The following ANK2 variants were observed in gnomAD, a reference collection of about 807,000 sequenced individuals.
ANK2 encodes ankyrin 2, also known as ankyrin-2.
A neutral mutation model predicts 360.5 loss-of-function variants in ANK2; 83 were observed. The observed-to-expected ratio is 0.23, with a 90% CI of 0.19 to 0.28. The LOEUF is 0.28. ANK2 is among the 10% of genes least tolerant of loss of function. The pLI, the probability that ANK2 is intolerant of heterozygous loss-of-function variation, is 1.00. For missense variants in ANK2, 4,201 were observed against 4,795.7 expected, an observed-to-expected ratio of 0.88 and a Z score of 3.66; for synonymous variants, 1,740 against 1,759.5, an observed-to-expected ratio of 0.99 and a Z score of 0.28.
chr4:112,992,858 T>A (rs773239234), intron 2 of ANK2, among the ~76,000 whole-genome samples: 4 of 152,236 alleles, frequency 2.6e-5, no homozygotes, highest in Non-Finnish European at 4.4e-5. Context: ...ATGCGGATGC[T>A]TATTTCTTAA....
chr4:113,222,391 A>ATTTTTTTTTT (rs397880062), intron 4 of ANK2, among the ~76,000 whole-genome samples: 1 of 122,478 alleles, frequency 8.2e-6, no homozygotes. Context: ...CTCTGAAACA[A>ATTTTTTTTTT]TTTTTTTTTT....
At chr4:112,839,191 C>A (rs2061595594) in intron 1 of ANK2, among the ~76,000 whole-genome samples, 1 of 152,156 alleles carries the variant, frequency 6.6e-6, no homozygotes, top group Non-Finnish European at 1.5e-5. Context: ...TCCTATGTTT[C>A]TAGGTAATAG....
Position 113,291,476 on chromosome 4 carries a change from C to T in ANK2, c.2278-940C>T, listed in dbSNP as rs1426113547. 2.0e-5 allele frequency among the ~76,000 whole-genome samples: 3 copies of T among 152,302 alleles called. No homozygotes were observed. The South Asian group carries it at 6.2e-4, about 32-fold the overall frequency. ...CCACACTTAGAGACACTTAGGTAAC[C>T]CTGATACATGTGGGCATGTTCCTAT... is the stretch of plus-strand genomic sequence containing the variant. On this transcript the variant is annotated intron_variant, in intron 20 of 45. Coordinates refer to ENST00000357077, the MANE Select transcript of ANK2 (RefSeq NM_001148.6).
chr4:113,104,538 A>T (rs2093374122), intron 1 of ANK2, among the ~76,000 whole-genome samples: 1 of 152,130 alleles, frequency 6.6e-6, no homozygotes, highest in Non-Finnish European at 1.5e-5. Context: ...ACATAATGAA[A>T]CCCTGTCTCT....
rs766873817 is a variant in ANK2 at position 113,355,743 on chromosome 4, C to G, written c.7125C>G (p.Thr2375=). Residue 2375 remains threonine, a synonymous_variant, in exon 38 of 46, where the codon ACC becomes ACG. Coordinates refer to ENST00000357077, the MANE Select transcript of ANK2 (RefSeq NM_001148.6). Reference sequence around the variant, plus strand: ...GTGAGGTTCAAGAATCCACAGCCACCTCAGACGAGACAAAGGCCTTGCCGC... The same window carrying G: ...GTGAGGTTCAAGAATCCACAGCCACGTCAGACGAGACAAAGGCCTTGCCGC... ...TDSEVQESTA[T]SDETKALPLP... The G allele has an allele frequency of 1.9e-6, 3 of 1,614,130 alleles. No individual in the cohort carries two copies. The Admixed American group carries it at 5.0e-5, about 27-fold the overall frequency.
At chr4:113,108,223 T>C (rs988544240) in intron 1 of ANK2, among the ~76,000 whole-genome samples, 1 of 152,182 alleles carries the variant, frequency 6.6e-6, no homozygotes, top group Non-Finnish European at 1.5e-5. Context: ...TAAAGACACT[T>C]GCAAAACAAT....
chr4:112,977,463 T>G (rs1323768729), intron 2 of ANK2, among the ~76,000 whole-genome samples: 1 of 152,044 alleles, frequency 6.6e-6, no homozygotes, highest in East Asian at 1.9e-4. Context: ...ATGAATTTCT[T>G]TTAAGTGTGA....
At chr4:113,062,115 G>A (rs2073767790) in intron 1 of ANK2, among the ~76,000 whole-genome samples, 1 of 152,040 alleles carries the variant, frequency 6.6e-6, no homozygotes, top group Non-Finnish European at 1.5e-5. Context: ...CCTGTACAGG[G>A]TTTGGATTCT....
chr4:112,833,630 A>G (rs1256620957), intron 1 of ANK2, among the ~76,000 whole-genome samples: 2 of 151,384 alleles, frequency 1.3e-5, no homozygotes, highest in African/African-American at 4.9e-5. Flanking sequence ...CAGCCTCCCC[A>G]GTACCTGGGA....
At chr4:113,344,421 TG>T (rs1455652414) in intron 34 of ANK2, among the ~76,000 whole-genome samples, 1 of 152,168 alleles carries the variant, frequency 6.6e-6, no homozygotes, top group Non-Finnish European at 1.5e-5. Context: ...GTGGACGAAT[TG>T]GGGCCCTAAT....
chr4:113,277,355 A>G (rs1214764120), intron 15 of ANK2, among the ~76,000 whole-genome samples: 1 of 152,208 alleles, frequency 6.6e-6, no homozygotes, highest in Non-Finnish European at 1.5e-5. Flanking sequence ...AAAATATGTC[A>G]ACTAATTCAC....
intron 1 of ANK2, among the ~76,000 whole-genome samples, chr4:112,824,479 G>A (rs2149567705): frequency 6.7e-6 from 1 of 149,816 alleles, no homozygotes. Flanking sequence ...TGGGATTACA[G>A]ATGTGAGCCA....
chr4:113,214,351 G>T, intron 4 of ANK2: 2 of 805,474 alleles, frequency 2.5e-6, no homozygotes, highest in Non-Finnish European at 4.1e-6. Context: ...ACGTGGCCGC[G>T]GCCCTTTTTG....
intron 2 of ANK2, among the ~76,000 whole-genome samples, chr4:113,043,481 G>A (rs1465537274): frequency 6.6e-6 from 1 of 152,010 alleles, no homozygotes; most frequent in Non-Finnish European, 1.5e-5. Context: ...ATGTTGCTCA[G>A]GCTGGTCTTG....
At position 113,191,686 on chromosome 4, in the gene ANK2, ATACCTTACATTTGTTTTT is replaced by A. The variant is rs572797004; in HGVS notation, c.187-4678_187-4661del. 3.8e-4 allele frequency among the ~76,000 whole-genome samples: 58 copies of A among 152,312 alleles called. No individual in the cohort carries two copies. In the East Asian group the frequency reaches 9.5e-3, roughly 25 times the overall value. On this transcript the variant is annotated intron_variant, in intron 2 of 45. Coordinates refer to ENST00000357077, the MANE Select transcript of ANK2 (RefSeq NM_001148.6). ...GTTTGCATGTAACTGGGAAATAATAATACCTTACATTTGTTTTTTACTTCACAAATTACAAACAGAATT... is the reference window on the plus strand; with the variant it reads ...GTTTGCATGTAACTGGGAAATAATAATACTTCACAAATTACAAACAGAATT...
intron 18 of ANK2, among the ~76,000 whole-genome samples, chr4:113,284,970 A>T (rs2063802766): frequency 6.6e-6 from 1 of 152,166 alleles, no homozygotes; most frequent in Admixed American, 6.5e-5. Context: ...ATTATTTCAC[A>T]TTAGGAACTA....
At chr4:113,070,866 G>T (rs1228103234) in intron 1 of ANK2, among the ~76,000 whole-genome samples, 1 of 151,546 alleles carries the variant, frequency 6.6e-6, no homozygotes, top group African/African-American at 2.4e-5. Context: ...GGTCTTTTCT[G>T]CCCAAAACAA....
chr4:113,278,778 G>A (rs920247959), intron 17 of ANK2, among the ~76,000 whole-genome samples: 4 of 152,118 alleles, frequency 2.6e-5, no homozygotes, highest in African/African-American at 9.7e-5. Context: ...TTAAGGGGAT[G>A]TGCCTATAAA....
chr4:112,860,348 G>A lies in ANK2; in HGVS notation c.-40+42084G>A, dbSNP rs181536290. 3.9e-5 allele frequency among the ~76,000 whole-genome samples: 6 copies of A among 152,016 alleles called. No individual in the cohort carries two copies. The East Asian group carries it at 9.7e-4, about 25-fold the overall frequency. The stretch of plus-strand genomic sequence containing the variant: ...TTCAAGCGATTCTTCTGCCTCAGCC[G>A]CCTGAGTAGATGGGATTACAGGTGC... On this transcript the variant is annotated intron_variant, in intron 1 of 30. Transcript: ENST00000503271.
Sources: gnomAD v4.1 joint callset for allele counts (sites outside exome capture counted in the v4.1 genomes callset) on GRCh38, gnomAD v4.1.1 for gene constraint, MANE v1.5 for transcripts, NCBI Gene and HGNC (gene_info 2026-07-23, HGNC 2026-07-21) for gene names.